The following ZNF487 variants were observed in gnomAD, a reference collection of about 807,000 sequenced individuals.
ZNF487 encodes zinc finger protein 487, also known as KRAB domain only 1.
ZNF487 carries 4 observed loss-of-function variants against 3.0 expected under a neutral mutation model. That is an observed-to-expected ratio of 1.35 (90% confidence interval 0.66 to 3.08). ZNF487 has a LOEUF of 3.08. Among genes scored for constraint, ZNF487 ranks in the 30% most tolerant of loss-of-function variants. The pLI is 0.01. For synonymous variants in ZNF487, 55 were observed against 34.6 expected (o/e 1.59, Z -2.06); for missense variants, 146 against 98.7 (o/e 1.48, Z -2.03).
At chr10:43,499,318 A>T in the ZNF487 span, among the ~76,000 whole-genome samples, 1 of 152,162 alleles carries the variant, frequency 6.6e-6, no homozygotes, top group East Asian at 1.9e-4. Context: ...AAAAATAAAG[A>T]AACGGCCAGA....
the ZNF487 span, among the ~76,000 whole-genome samples, chr10:43,509,458 CATATATATATAT>C: frequency 1.5e-5 from 2 of 135,278 alleles, no homozygotes; most frequent in African/African-American, 5.6e-5. Context: ...ACTAATGGAA[CATATATATATAT>C]ATATATATAT....
chr10:43,447,245 A>G (rs1839845685), intron 1 of ZNF487, among the ~76,000 whole-genome samples: 2 of 57,890 alleles, frequency 3.5e-5, no homozygotes, highest in Admixed American at 2.6e-4. Flanking sequence ...GAGAGGGAGA[A>G]CAACATTTTT....
intron 1 of ZNF487, among the ~76,000 whole-genome samples, chr10:43,468,162 A>G (rs1053209002): frequency 6.6e-6 from 1 of 152,186 alleles, no homozygotes; most frequent in African/African-American, 2.4e-5. Context: ...ACAGATGAGG[A>G]GTTGCTTCTT....
At chr10:43,519,963 G>A in the ZNF487 span, among the ~76,000 whole-genome samples, 7 of 152,282 alleles carry the variant, frequency 4.6e-5, no homozygotes, top group Admixed American at 3.9e-4. Context: ...TTAAATGAAT[G>A]AATAAGTGAA....
chr10:43,487,589 A>G (rs541873819), downstream of ZNF487, among the ~76,000 whole-genome samples: 149 of 151,638 alleles, frequency 9.8e-4, no homozygotes, highest in Non-Finnish European at 1.7e-3. Context: ...AGCTGGGATT[A>G]CAGGCATGTG....
chr10:43,500,686 T>A, the ZNF487 span, among the ~76,000 whole-genome samples: 1 of 150,974 alleles, frequency 6.6e-6, no homozygotes, highest in Non-Finnish European at 1.5e-5. Context: ...TTTTTTTGTA[T>A]TTTTGTGGAG....
the ZNF487 span, among the ~76,000 whole-genome samples, chr10:43,514,878 T>C: frequency 1.3e-5 from 2 of 152,146 alleles, no homozygotes; most frequent in Non-Finnish European, 2.9e-5. Flanking sequence ...CTGGGATGAG[T>C]AGGTCTAAAG....
chr10:43,515,983 T>C, the ZNF487 span, among the ~76,000 whole-genome samples: 2 of 152,134 alleles, frequency 1.3e-5, no homozygotes, highest in Non-Finnish European at 2.9e-5. Context: ...GATTTCACCA[T>C]GTTGGCCAGG....
At chr10:43,442,454 AT>A (rs1486157324) in intron 1 of ZNF487, among the ~76,000 whole-genome samples, 2 of 151,338 alleles carry the variant, frequency 1.3e-5, no homozygotes, top group African/African-American at 4.9e-5. Flanking sequence ...TTATTTATTT[AT>A]TTTTTTGAGA....
At chr10:43,462,947 T>A (rs1307252960) in intron 1 of ZNF487, among the ~76,000 whole-genome samples, 1 of 152,002 alleles carries the variant, frequency 6.6e-6, no homozygotes, top group Non-Finnish European at 1.5e-5. Context: ...TTAAAAAATT[T>A]TTTTTGGCCA....
intron 1 of ZNF487, among the ~76,000 whole-genome samples, chr10:43,446,311 C>G (rs1226677062): frequency 6.7e-6 from 1 of 149,688 alleles, no homozygotes; most frequent in Non-Finnish European, 1.5e-5. Flanking sequence ...GGGGCGCCCC[C>G]CACCTCCCAG....
chr10:43,491,112 A>G, the ZNF487 span, among the ~76,000 whole-genome samples: 1 of 147,554 alleles, frequency 6.8e-6, no homozygotes, highest in Non-Finnish European at 1.5e-5. Context: ...GACTACAGAC[A>G]TGTGCCACTA....
At chr10:43,519,379 G>A in the ZNF487 span, among the ~76,000 whole-genome samples, 1 of 151,928 alleles carries the variant, frequency 6.6e-6, no homozygotes, top group Admixed American at 6.6e-5. Flanking sequence ...GACTTAAAAT[G>A]TAAAACTTCA....
chr10:43,478,220 G>T (rs1188053637), intron 3 of ZNF487, among the ~76,000 whole-genome samples: 1 of 152,014 alleles, frequency 6.6e-6, no homozygotes, highest in African/African-American at 2.4e-5. Flanking sequence ...AAGAGTTTGA[G>T]ACCAGCCCAG....
chr10:43,515,137 A>C, the ZNF487 span, among the ~76,000 whole-genome samples: 1 of 152,134 alleles, frequency 6.6e-6, no homozygotes, highest in Non-Finnish European at 1.5e-5. Context: ...TGTTCTTTCC[A>C]CCATTATCCC....
chr10:43,520,822 A>C, the ZNF487 span, among the ~76,000 whole-genome samples: 1 of 152,180 alleles, frequency 6.6e-6, no homozygotes, highest in Admixed American at 6.5e-5. Context: ...GGGATGAGCA[A>C]TTATGGAGGA....
chr10:43,513,970 T>C, the ZNF487 span, among the ~76,000 whole-genome samples: 1 of 152,138 alleles, frequency 6.6e-6, no homozygotes, highest in Non-Finnish European at 1.5e-5. Flanking sequence ...GGAGGTCTCC[T>C]TGTGGAAGGA....
chr10:43,461,316 GTTTTTTT>G (rs138594367), intron 1 of ZNF487, among the ~76,000 whole-genome samples: 196 of 147,932 alleles, frequency 1.3e-3, no homozygotes, highest in African/African-American at 3.8e-3. Context: ...CCAGTCTTTT[GTTTTTTT>G]TTTTTTTTTT....
intron 1 of ZNF487, among the ~76,000 whole-genome samples, chr10:43,474,716 G>A (rs913473627): frequency 7.2e-5 from 11 of 151,892 alleles, no homozygotes; most frequent in East Asian, 5.9e-4. Context: ...CCCAGTAGCC[G>A]GAATTACAGG....
Sources: gnomAD v4.1 joint callset for allele counts (sites outside exome capture counted in the v4.1 genomes callset) on GRCh38, gnomAD v4.1.1 for gene constraint, MANE v1.5 for transcripts, NCBI Gene and HGNC (gene_info 2026-07-23, HGNC 2026-07-21) for gene names.